Variants in IMPG1 observed in about 807,000 individuals in gnomAD.
IMPG1 encodes interphotoreceptor matrix proteoglycan of 150 kDa.
A neutral mutation model predicts 92.0 loss-of-function variants in IMPG1; 85 were observed. That is an observed-to-expected ratio of 0.92 (90% confidence interval 0.78 to 1.11). The LOEUF (loss-of-function observed/expected upper bound fraction) is 1.11, where lower values mean the gene tolerates loss of function less well. IMPG1 is among the 50% of genes least tolerant of loss of function. The pLI is 0.00. For synonymous variants in IMPG1, 367 were observed against 334.1 expected, an observed-to-expected ratio of 1.10 and a Z score of -1.08; for missense variants, 1,022 against 956.0, an observed-to-expected ratio of 1.07 and a Z score of -0.91.
At chr6:76,034,378 A>T (rs772294280) in intron 3 of IMPG1, 35 bp from the exon 4 acceptor site, 2 of 1,586,738 alleles carry the variant, frequency 1.3e-6, no homozygotes, top group Admixed American at 3.3e-5. Context: ...TAATTTTACC[A>T]GGAGATAATG....
chr6:75,956,766 G>C (rs1216002134), intron 12 of IMPG1, among the ~76,000 whole-genome samples: 3 of 152,132 alleles, frequency 2.0e-5, no homozygotes, highest in African/African-American at 7.2e-5. Flanking sequence ...TGCTTTACCT[G>C]TGTCCCAGAG....
Position 75,992,072 on chromosome 6 carries a change from G to A in IMPG1, c.1291+10846C>T, listed in dbSNP as rs114947416. ...AGATTACCCTACATAGTGTGAGTGG[G>A]CCTCATCCAATTAGCTAAAGGCCTC... On this transcript the variant is annotated intron_variant, in intron 12 of 16. Transcript: ENST00000369950. 9.6e-3 allele frequency among the ~76,000 whole-genome samples: 1,469 copies of A among 152,304 alleles called. 15 individuals carry two copies. The highest frequency in any genetic ancestry group is 0.034 in the African/African-American group (1,399 of 41,558).
intron 13 of IMPG1, among the ~76,000 whole-genome samples, chr6:75,947,798 T>C (rs938042079): frequency 2.6e-5 from 4 of 151,852 alleles, no homozygotes; most frequent in African/African-American, 4.8e-5. Flanking sequence ...TGAGAACAGA[T>C]GATTTTTAAA....
intron 4 of IMPG1, among the ~76,000 whole-genome samples, chr6:76,031,897 T>C (rs1254479555): frequency 6.6e-6 from 1 of 152,228 alleles, no homozygotes; most frequent in Non-Finnish European, 1.5e-5. Flanking sequence ...ATTCTGCCAC[T>C]AAACTGGCAA....
chr6:75,986,819 T>C lies in IMPG1; in HGVS notation c.1291+16099A>G, dbSNP rs142467681. On this transcript the variant is annotated intron_variant, in intron 12 of 16. Transcript: ENST00000369950. ...TAGTTTGTATGTGAAGGCTGCAAAC[T>C]TAAAAGCAAAAAGAAAACAAATAAA... Among the ~76,000 whole-genome samples, 38 of 152,056 alleles carry C rather than the reference T, an allele frequency of 2.5e-4. No homozygotes were observed. The East Asian group carries it at 3.1e-3, about 12-fold the overall frequency.
At chr6:76,018,510 G>C (rs1042286203) in intron 7 of IMPG1, among the ~76,000 whole-genome samples, 1 of 152,190 alleles carries the variant, frequency 6.6e-6, no homozygotes, top group Non-Finnish European at 1.5e-5. Context: ...TGCAAGTTTT[G>C]AGAATAGAAA....
chr6:75,973,243 G>C (rs895738932), intron 12 of IMPG1, among the ~76,000 whole-genome samples: 3 of 151,988 alleles, frequency 2.0e-5, no homozygotes, highest in African/African-American at 7.3e-5. Flanking sequence ...GCCTCCCAAA[G>C]TGTCCGGATT....
intron 1 of IMPG1, among the ~76,000 whole-genome samples, chr6:76,056,984 T>C (rs916380819): frequency 6.6e-6 from 1 of 152,166 alleles, no homozygotes; most frequent in Admixed American, 6.6e-5. Flanking sequence ...AACAAAATCA[T>C]GTCCTTTGCA....
chr6:76,010,557 T>A (rs1323400027), intron 8 of IMPG1, among the ~76,000 whole-genome samples: 2 of 152,216 alleles, frequency 1.3e-5, no homozygotes, highest in African/African-American at 4.8e-5. Context: ...TCTTATTTTT[T>A]TATTTAAAAT....
chr6:76,038,579 A>AG (rs1305947889), intron 2 of IMPG1, among the ~76,000 whole-genome samples: 1 of 152,202 alleles, frequency 6.6e-6, no homozygotes, highest in Non-Finnish European at 1.5e-5. Flanking sequence ...GAGGCATCAA[A>AG]GGACCTCAGG....
chr6:76,037,426 G>A (rs913454471), intron 2 of IMPG1, among the ~76,000 whole-genome samples: 3 of 152,308 alleles, frequency 2.0e-5, no homozygotes, highest in East Asian at 1.9e-4. Flanking sequence ...GTGTCAACAC[G>A]TGGGAAGCAA....
intron 12 of IMPG1, among the ~76,000 whole-genome samples, chr6:75,993,235 A>G (rs1782842937): frequency 6.6e-6 from 1 of 152,182 alleles, no homozygotes; most frequent in South Asian, 2.1e-4. Flanking sequence ...CGGAAACATC[A>G]CAGACATATG....
intron 16 of IMPG1, 32 bp downstream of exon 16, chr6:75,923,602 A>T: frequency 9.6e-7 from 1 of 1,036,558 alleles, no homozygotes; most frequent in Non-Finnish European, 1.5e-6. Context: ...CAAGTTTAGT[A>T]ATTGCAACCA....
At position 76,011,320 on chromosome 6, in the gene IMPG1, A is replaced by T; in HGVS notation, c.808-96T>A. 5 of 555,700 alleles carry T rather than the reference A, an allele frequency of 9.0e-6. No homozygotes were observed. In the South Asian group the frequency reaches 1.4e-4, roughly 15 times the overall value. The allele number at this position is 555,700 out of a possible 1,614,324, so 34.4% of individuals were successfully genotyped here. On this transcript the variant is annotated intron_variant, in intron 7 of 16. Transcript: ENST00000369950. ...CTGAACACTTTTGATGAGTTAGGGG[A>T]ACAGCTGAAAATGGAAAATGATTAT... is the stretch of plus-strand genomic sequence containing the variant.
At chr6:76,029,520 T>C (rs185343291) in intron 4 of IMPG1, among the ~76,000 whole-genome samples, 1 of 152,174 alleles carries the variant, frequency 6.6e-6, no homozygotes, top group African/African-American at 2.4e-5. Flanking sequence ...TCTAAACTCA[T>C]TAGTTGTTTT....
In IMPG1 at chr6:76,041,898, A is replaced by C; in HGVS notation, c.296T>G (p.Leu99Trp). 1 of 1,594,372 alleles carries C rather than the reference A, an allele frequency of 6.3e-7. No individual in the cohort carries two copies. The highest frequency in any genetic ancestry group is 8.6e-7 in the Non-Finnish European group (1 of 1,162,120). The change falls in exon 2 of 17, where the codon TTG (leucine) becomes TGG (tryptophan). Residue 99 changes from leucine (L) to tryptophan (W), a missense_variant. Transcript: ENST00000369950. ...ILDSLQAYYR[L>W]RVCQEAVWEA... ...GGTTTCATCTCTTTCCTTACCTCTC[A>C]ATCTATAATAAGCTTGAAGACTGTC... is the stretch of plus-strand genomic sequence containing the variant.
At chr6:75,926,371 T>C (rs2149448574) in intron 15 of IMPG1, among the ~76,000 whole-genome samples, 1 of 152,070 alleles carries the variant, frequency 6.6e-6, no homozygotes, top group East Asian at 1.9e-4. Flanking sequence ...CCAAAGGGAG[T>C]TGGTAACAAC....
At chr6:76,002,049 C>A (rs958283888) in intron 12 of IMPG1, among the ~76,000 whole-genome samples, 2 of 152,108 alleles carry the variant, frequency 1.3e-5, no homozygotes, top group Non-Finnish European at 2.9e-5. Context: ...CTAACTAAAA[C>A]AATAGTAATC....
chr6:76,028,750 C>T (rs1783598936), intron 4 of IMPG1, among the ~76,000 whole-genome samples: 3 of 151,862 alleles, frequency 2.0e-5, no homozygotes, highest in Admixed American at 6.6e-5. Context: ...ACCTGGGAGG[C>T]AGAACTTGCA....
Sources: gnomAD v4.1 joint callset for allele counts (sites outside exome capture counted in the v4.1 genomes callset) on GRCh38, gnomAD v4.1.1 for gene constraint, MANE v1.5 for transcripts, NCBI Gene and HGNC (gene_info 2026-07-23, HGNC 2026-07-21) for gene names.